Variants in HMGCLL1 observed in about 807,000 individuals in gnomAD.
HMGCLL1 encodes the protein 3-hydroxymethyl-3-methylglutaryl-CoA lyase, cytoplasmic.
A neutral mutation model predicts 39.1 loss-of-function variants in HMGCLL1; 36 were observed. The observed-to-expected ratio is 0.92, with a 90% CI of 0.71 to 1.22. The LOEUF is 1.22. Among genes scored for constraint, HMGCLL1 ranks in the 50% most tolerant of loss-of-function variants. The probability of loss-of-function intolerance (pLI) is 0.00; values close to 1 mark genes in which losing one functional copy is unlikely to be tolerated. For synonymous variants in HMGCLL1, 149 were observed against 144.0 expected (o/e 1.03, Z -0.25); for missense variants, 451 against 416.5 (o/e 1.08, Z -0.72).
chr6:55,625,808 G>A, the HMGCLL1 span, among the ~76,000 whole-genome samples: 2 of 152,120 alleles, frequency 1.3e-5, no homozygotes, highest in Non-Finnish European at 1.5e-5. Flanking sequence ...TGGATGAGTG[G>A]TCAAAAACTG....
At chr6:55,517,699 T>C (rs897133993) in intron 3 of HMGCLL1, among the ~76,000 whole-genome samples, 5 of 152,126 alleles carry the variant, frequency 3.3e-5, no homozygotes, top group Admixed American at 1.3e-4. Context: ...TAAAAATACA[T>C]GTTACAATAT....
intron 3 of HMGCLL1, among the ~76,000 whole-genome samples, chr6:55,533,682 C>T (rs1387782051): frequency 2.0e-5 from 3 of 151,152 alleles, no homozygotes; most frequent in Non-Finnish European, 4.4e-5. Flanking sequence ...GTCAGGAGAT[C>T]GAGACCATCC....
chr6:55,459,815 A>C (rs1347666220), intron 7 of HMGCLL1, among the ~76,000 whole-genome samples: 1 of 148,924 alleles, frequency 6.7e-6, no homozygotes, highest in African/African-American at 2.5e-5. Context: ...ATATTGTTGA[A>C]TATATATACA....
At chr6:55,502,864 CT>C (rs1439264527) in intron 5 of HMGCLL1, among the ~76,000 whole-genome samples, 9 of 151,592 alleles carry the variant, frequency 5.9e-5, no homozygotes, top group Non-Finnish European at 1.3e-4. Flanking sequence ...GATGTTATAT[CT>C]TTTTTATTAT....
intron 7 of HMGCLL1, among the ~76,000 whole-genome samples, chr6:55,489,440 T>G (rs1766203652): frequency 6.6e-6 from 1 of 151,872 alleles, no homozygotes; most frequent in Admixed American, 6.6e-5. Flanking sequence ...TGGCCTCAAT[T>G]CTTACTATAC....
intron 7 of HMGCLL1, among the ~76,000 whole-genome samples, chr6:55,488,164 C>G (rs1248343269): frequency 6.6e-6 from 1 of 151,984 alleles, no homozygotes; most frequent in Non-Finnish European, 1.5e-5. Flanking sequence ...ACAGAGGGTA[C>G]TATGATTTTT....
chr6:55,660,538 G>C, the HMGCLL1 span, among the ~76,000 whole-genome samples: 19 of 152,010 alleles, frequency 1.2e-4, no homozygotes, highest in Middle Eastern at 3.4e-3. Flanking sequence ...ACCTGCAAAA[G>C]GCATGATCTC....
At position 55,508,275 on chromosome 6, in the gene HMGCLL1, GA is replaced by G. The variant is rs1482739210; in HGVS notation, c.542+5772del. Among the ~76,000 whole-genome samples the G allele has an allele frequency of 1.1e-4, 17 of 151,760 alleles. No homozygotes were observed. The Admixed American group carries it at 1.1e-3, about 10-fold the overall frequency. On this transcript the variant is annotated intron_variant, in intron 5 of 8. Transcript: ENST00000274901. ...AAACATGTTGAGTAATGCTTTCAGA[GA>G]ATCTGGTTAGATATTTCCAAGGTAA...
At chr6:55,610,043 G>A in the HMGCLL1 span, among the ~76,000 whole-genome samples, 5 of 152,132 alleles carry the variant, frequency 3.3e-5, no homozygotes, top group Non-Finnish European at 7.4e-5. Flanking sequence ...CAGCCTCAAA[G>A]ATCAAAACTA....
chr6:55,460,408 C>A (rs1004345846), intron 7 of HMGCLL1, among the ~76,000 whole-genome samples: 1 of 151,862 alleles, frequency 6.6e-6, no homozygotes, highest in Admixed American at 6.6e-5. Flanking sequence ...AAATGACAGG[C>A]AATTGAAACT....
intron 3 of HMGCLL1, among the ~76,000 whole-genome samples, chr6:55,537,489 A>G (rs555488993): frequency 6.6e-6 from 1 of 152,324 alleles, no homozygotes; most frequent in South Asian, 2.1e-4. Flanking sequence ...TCTTCAGAAT[A>G]AAGGCTAGTT....
At chr6:55,490,141 A>G (rs911429116) in intron 7 of HMGCLL1, among the ~76,000 whole-genome samples, 2 of 152,084 alleles carry the variant, frequency 1.3e-5, no homozygotes, top group African/African-American at 4.8e-5. Context: ...GACTCTGCCT[A>G]TGACCTTTTC....
chr6:55,629,515 C>A, the HMGCLL1 span, among the ~76,000 whole-genome samples: 1 of 152,156 alleles, frequency 6.6e-6, no homozygotes, highest in Admixed American at 6.5e-5. Context: ...GAAATCCAAG[C>A]TGGCTGCATA....
At chr6:55,502,088 G>T (rs1453374290) in intron 5 of HMGCLL1, among the ~76,000 whole-genome samples, 1 of 151,848 alleles carries the variant, frequency 6.6e-6, no homozygotes, top group Non-Finnish European at 1.5e-5. Context: ...TTCAGCAAGA[G>T]TCTGGTAGAT....
intron 7 of HMGCLL1, among the ~76,000 whole-genome samples, chr6:55,476,712 C>G (rs561371773): frequency 9.9e-5 from 15 of 151,514 alleles, no homozygotes; most frequent in Admixed American, 8.0e-4. Flanking sequence ...GGGATAAATC[C>G]AACTTGGTTG....
At chr6:55,622,471 T>C in the HMGCLL1 span, among the ~76,000 whole-genome samples, 1 of 152,106 alleles carries the variant, frequency 6.6e-6, no homozygotes, top group Admixed American at 6.6e-5. Flanking sequence ...TGATGGTTTT[T>C]ATTATGAAGT....
the HMGCLL1 span, among the ~76,000 whole-genome samples, chr6:55,647,926 G>A: frequency 4.2e-5 from 3 of 71,856 alleles, no homozygotes; most frequent in East Asian, 3.9e-4. Context: ...CCCCTCCCCC[G>A]ACCCCACCAC....
chr6:55,443,527 T>C (rs1763693504), intron 7 of HMGCLL1, among the ~76,000 whole-genome samples: 1 of 152,146 alleles, frequency 6.6e-6, no homozygotes, highest in Non-Finnish European at 1.5e-5. Context: ...GAAACAACAG[T>C]CATTCTTCTA....
At chr6:55,527,120 T>C (rs901668894) in intron 3 of HMGCLL1, among the ~76,000 whole-genome samples, 2 of 152,100 alleles carry the variant, frequency 1.3e-5, no homozygotes, top group South Asian at 2.1e-4. Flanking sequence ...CCATATCTTA[T>C]CTTTTCTATA....
Sources: allele counts gnomAD v4.1 joint callset (sites outside exome capture counted in the v4.1 genomes callset), GRCh38; gene constraint gnomAD v4.1.1; transcripts MANE v1.5; gene names NCBI Gene and HGNC (gene_info 2026-07-23, HGNC 2026-07-21).